The following EXOC4 variants were observed in gnomAD, a reference collection of about 807,000 sequenced individuals.
The protein encoded by EXOC4 is exocyst complex component 4.
In EXOC4, 71 loss-of-function variants were observed where a neutral mutation model predicts 107.2. The ratio of observed to expected loss-of-function variants is 0.66; its 90% CI spans 0.55 to 0.81. The LOEUF (loss-of-function observed/expected upper bound fraction) is 0.81. Among genes scored for constraint, EXOC4 ranks in the 30% least tolerant of loss-of-function variants. EXOC4 has a pLI of 0.00. For missense variants in EXOC4, 1,108 were observed against 1,189.6 expected (o/e 0.93, Z 1.01); for synonymous variants, 456 against 441.2 (o/e 1.03, Z -0.42).
chr7:133,431,279 T>C (rs1797851081), intron 7 of EXOC4, among the ~76,000 whole-genome samples: 1 of 152,214 alleles, frequency 6.6e-6, no homozygotes, highest in African/African-American at 2.4e-5. Flanking sequence ...ATGAGTGTTT[T>C]TGTTCTTGTG....
In EXOC4 at chr7:133,885,350, G is replaced by T. The variant is rs573290388; in HGVS notation, c.1735-10249G>T. 2.2e-4 allele frequency among the ~76,000 whole-genome samples: 34 copies of T among 151,822 alleles called. No individual in the cohort carries two copies. The East Asian group carries it at 6.6e-3, about 29-fold the overall frequency. ...AAAAGATACAGTGTAGTAATAAGGAGTTAGTGGTCTGATTTCACCTTACCA... is the reference window on the plus strand; with the variant it reads ...AAAAGATACAGTGTAGTAATAAGGATTTAGTGGTCTGATTTCACCTTACCA... On this transcript the variant is annotated intron_variant, in intron 11 of 17. Transcript: ENST00000253861.
intron 11 of EXOC4, among the ~76,000 whole-genome samples, chr7:133,856,378 G>C (rs1410230688): frequency 6.6e-6 from 1 of 152,192 alleles, no homozygotes; most frequent in Non-Finnish European, 1.5e-5. Flanking sequence ...TAAGCACCTG[G>C]AGCACACTGC....
intron 11 of EXOC4, among the ~76,000 whole-genome samples, chr7:133,872,177 T>C (rs966726363): frequency 6.6e-6 from 1 of 152,134 alleles, no homozygotes; most frequent in African/African-American, 2.4e-5. Flanking sequence ...TTCAAAATAA[T>C]CTGCAAAGAT....
chr7:133,334,848 T>C lies in EXOC4; in HGVS notation c.763+17458T>C, dbSNP rs372816248. Among the ~76,000 whole-genome samples, 101 of 152,308 alleles carry C rather than the reference T, an allele frequency of 6.6e-4. No individual in the cohort carries two copies. In the South Asian group the frequency reaches 0.018, roughly 27 times the overall value. Reference sequence around the variant, plus strand: ...GTTTGATTTTCTGTTCCTGCGTTAGTTTGCTATGGATAATGGCCTCCAGCT... The same window carrying C: ...GTTTGATTTTCTGTTCCTGCGTTAGCTTGCTATGGATAATGGCCTCCAGCT... On this transcript the variant is annotated intron_variant, in intron 5 of 17. Transcript: ENST00000253861.
At chr7:133,829,502 T>G (rs370178149) in intron 11 of EXOC4, among the ~76,000 whole-genome samples, 1 of 152,194 alleles carries the variant, frequency 6.6e-6, no homozygotes, top group East Asian at 1.9e-4. Flanking sequence ...GGTGATGACA[T>G]CATGGCTGCC....
chr7:133,915,050 GA>G (rs764096501), intron 12 of EXOC4, among the ~76,000 whole-genome samples: 1 of 152,160 alleles, frequency 6.6e-6, no homozygotes, highest in Non-Finnish European at 1.5e-5. Context: ...ATCTAGAAAT[GA>G]AAAATATAAT....
intron 7 of EXOC4, among the ~76,000 whole-genome samples, chr7:133,416,126 T>C (rs1250095687): frequency 1.3e-5 from 2 of 152,062 alleles, no homozygotes; most frequent in African/African-American, 4.8e-5. Context: ...AGGTTCAAAA[T>C]CAAATTGTAG....
intron 11 of EXOC4, among the ~76,000 whole-genome samples, chr7:133,867,276 G>T (rs1798660423): frequency 6.6e-6 from 1 of 152,182 alleles, no homozygotes; most frequent in African/African-American, 2.4e-5. Context: ...TTCTTCACAG[G>T]ATTGTTGCAA....
intron 7 of EXOC4, among the ~76,000 whole-genome samples, chr7:133,386,021 C>CAAGT (rs1796718277): frequency 6.6e-6 from 1 of 151,520 alleles, no homozygotes; most frequent in African/African-American, 2.4e-5. Flanking sequence ...TGTGAATATT[C>CAAGT]AGGATTTCAA....
intron 7 of EXOC4, among the ~76,000 whole-genome samples, chr7:133,428,081 G>A (rs1797768794): frequency 6.6e-6 from 1 of 152,186 alleles, no homozygotes; most frequent in Non-Finnish European, 1.5e-5. Flanking sequence ...CAGCCTAATG[G>A]AAGCTTAAAA....
At chr7:133,602,119 TAGAG>T (rs1801822659) in intron 9 of EXOC4, 1 of 152,200 alleles carries the variant, frequency 6.6e-6, no homozygotes, top group South Asian at 2.1e-4. Flanking sequence ...CAACTCCAAA[TAGAG>T]AGGTTGTATG....
intron 7 of EXOC4, among the ~76,000 whole-genome samples, chr7:133,424,120 A>C (rs1315078885): frequency 3.3e-5 from 5 of 152,198 alleles, no homozygotes. Context: ...GGGTGGGGCC[A>C]GATTAGGGAA....
intron 11 of EXOC4, among the ~76,000 whole-genome samples, chr7:133,878,356 G>A (rs1384350673): frequency 6.6e-6 from 1 of 152,192 alleles, no homozygotes; most frequent in Non-Finnish European, 1.5e-5. Context: ...GTGATACAGT[G>A]AACGGAACCA....
intron 12 of EXOC4, among the ~76,000 whole-genome samples, chr7:133,901,801 C>G (rs562282689): frequency 2.0e-5 from 3 of 152,278 alleles, no homozygotes; most frequent in Non-Finnish European, 2.9e-5. Flanking sequence ...CAGCCTGATT[C>G]TTTTAATGCA....
At chr7:134,076,993 AAGAG>A in the EXOC4 span, among the ~76,000 whole-genome samples, 1 of 137,750 alleles carries the variant, frequency 7.3e-6, no homozygotes, top group Non-Finnish European at 1.5e-5. Context: ...AGAACAGAGC[AAGAG>A]AGAGAGAGAT....
chr7:133,827,176 A>G (rs1348074295), intron 11 of EXOC4, among the ~76,000 whole-genome samples: 1 of 152,240 alleles, frequency 6.6e-6, no homozygotes, highest in South Asian at 2.1e-4. Flanking sequence ...TGATTAATCT[A>G]TAAGTAGTGC....
At chr7:133,732,818 G>T in intron 10 of EXOC4, 1 of 168,430 alleles carries the variant, frequency 5.9e-6, no homozygotes, top group South Asian at 1.4e-4. Context: ...TTGGTGCTGA[G>T]CATAAGAAGT....
intron 9 of EXOC4, among the ~76,000 whole-genome samples, chr7:133,520,082 G>A (rs1379732671): frequency 6.6e-6 from 1 of 151,934 alleles, no homozygotes; most frequent in Non-Finnish European, 1.5e-5. Flanking sequence ...AACTCTAAGA[G>A]GAAATGATAG....
At chr7:133,717,661 G>T (rs1157586591) in intron 10 of EXOC4, among the ~76,000 whole-genome samples, 1 of 152,144 alleles carries the variant, frequency 6.6e-6, no homozygotes, top group Non-Finnish European at 1.5e-5. Context: ...TCATGTGAAG[G>T]ATAGAATATA....
Sources: allele counts gnomAD v4.1 joint callset (sites outside exome capture counted in the v4.1 genomes callset), GRCh38; gene constraint gnomAD v4.1.1; transcripts MANE v1.5; gene names NCBI Gene and HGNC (gene_info 2026-07-23, HGNC 2026-07-21).